The following LIX1 variants were observed in gnomAD, a reference collection of about 807,000 sequenced individuals.
LIX1 encodes the protein protein limb expression 1 homolog.
Under a neutral mutation model 33.4 loss-of-function variants are expected in LIX1, and 24 were observed. The ratio of observed to expected loss-of-function variants is 0.72; its 90% CI spans 0.52 to 1.01. The LOEUF (loss-of-function observed/expected upper bound fraction) is 1.01, where lower values mean the gene tolerates loss of function less well. Among genes scored for constraint, LIX1 ranks in the 50% least tolerant of loss-of-function variants. The pLI is 0.00. For missense variants in LIX1, 311 were observed against 339.2 expected (o/e 0.92, Z 0.65); for synonymous variants, 124 against 124.0 (o/e 1.00, Z 0.00).
intron 2 of LIX1, among the ~76,000 whole-genome samples, chr5:97,112,908 C>T (rs182205672): frequency 3.0e-4 from 46 of 152,186 alleles, no homozygotes; most frequent in Admixed American, 1.0e-3. Flanking sequence ...CCGTGGCATT[C>T]ACACCCTTGT....
intron 1 of LIX1, among the ~76,000 whole-genome samples, chr5:97,136,004 T>C (rs988498650): frequency 6.6e-6 from 1 of 152,176 alleles, no homozygotes; most frequent in Non-Finnish European, 1.5e-5. Context: ...AAACAGTCAT[T>C]ATAAGAATGC....
chr5:97,142,225 G>T (rs1049509005), intron 1 of LIX1, among the ~76,000 whole-genome samples: 13 of 152,142 alleles, frequency 8.5e-5, no homozygotes, highest in African/African-American at 3.1e-4. Context: ...ATCAGAAAAA[G>T]TTCATTAAGT....
intron 1 of LIX1, among the ~76,000 whole-genome samples, chr5:97,135,000 A>G (rs2112798369): frequency 6.6e-6 from 1 of 152,300 alleles, no homozygotes; most frequent in Admixed American, 6.5e-5. Context: ...CCAACTGGAA[A>G]GCTGGTTGTG....
chr5:97,140,466 G>A (rs1748262955), intron 1 of LIX1, among the ~76,000 whole-genome samples: 1 of 152,210 alleles, frequency 6.6e-6, no homozygotes, highest in African/African-American at 2.4e-5. Context: ...CTCAGAACCT[G>A]CCATTCAAGG....
intron 2 of LIX1, among the ~76,000 whole-genome samples, chr5:97,117,921 GAA>G (rs3041175): frequency 0.49 from 69,233 of 140,160 alleles, 16,724 homozygotes; most frequent in African/African-American, 0.63. Flanking sequence ...GTTACAAATG[GAA>G]AAAAAAAAAA....
chr5:97,101,099 G>A (rs1746670335), intron 4 of LIX1, among the ~76,000 whole-genome samples: 1 of 152,012 alleles, frequency 6.6e-6, no homozygotes, highest in African/African-American at 2.4e-5. Context: ...GGTGAGGCAG[G>A]TGAGGCAGGT....
chr5:97,100,922 AT>A (rs1036571397), intron 4 of LIX1, among the ~76,000 whole-genome samples: 6 of 150,186 alleles, frequency 4.0e-5, no homozygotes, highest in Non-Finnish European at 7.4e-5. Flanking sequence ...ATATATATAA[AT>A]TTTTTTTTAA....
At chr5:97,130,013 A>G (rs1321111668) in intron 1 of LIX1, among the ~76,000 whole-genome samples, 1 of 152,252 alleles carries the variant, frequency 6.6e-6, no homozygotes, top group Non-Finnish European at 1.5e-5. Flanking sequence ...TGGAATTGTC[A>G]TACGGAATGA....
At chr5:97,097,083 T>C (rs971247534) in intron 4 of LIX1, among the ~76,000 whole-genome samples, 196 bp from the exon 5 acceptor site, 3 of 152,232 alleles carry the variant, frequency 2.0e-5, no homozygotes, top group Non-Finnish European at 4.4e-5. Flanking sequence ...GCTATATCCA[T>C]AGCATTACAT....
chr5:97,104,084 TG>T (rs1174093674), intron 4 of LIX1, among the ~76,000 whole-genome samples: 5 of 152,106 alleles, frequency 3.3e-5, no homozygotes, highest in African/African-American at 1.2e-4. Context: ...ATAATGTGCA[TG>T]GGGACATTTC....
chr5:97,103,755 G>A (rs1479701593), intron 4 of LIX1, among the ~76,000 whole-genome samples: 1 of 152,156 alleles, frequency 6.6e-6, no homozygotes, highest in Non-Finnish European at 1.5e-5. Flanking sequence ...CACGAGGTCA[G>A]GAGATGGAGA....
At chr5:97,098,010 A>G (rs1190633061) in intron 4 of LIX1, among the ~76,000 whole-genome samples, 1 of 152,206 alleles carries the variant, frequency 6.6e-6, no homozygotes, top group African/African-American at 2.4e-5. Flanking sequence ...CCTAAAGCCA[A>G]CTTCCTCTGC....
At chr5:97,107,566 C>T in intron 2 of LIX1, 66 bp from the exon 3 acceptor site, 1 of 1,508,158 alleles carries the variant, frequency 6.6e-7, no homozygotes, top group Non-Finnish European at 9.2e-7. Context: ...ACTCCTGCAT[C>T]AATGGGTCTC....
chr5:97,139,873 C>T (rs765365853), intron 1 of LIX1, among the ~76,000 whole-genome samples: 1 of 152,234 alleles, frequency 6.6e-6, no homozygotes, highest in Middle Eastern at 3.4e-3. Flanking sequence ...GCCAGATGAA[C>T]GCCTTGTATA....
In LIX1 at chr5:97,091,930, G is replaced by C. The variant is rs556929486; in HGVS notation, c.*2818C>G. The C allele has an allele frequency of 2.0e-5, 3 of 152,464 alleles. No homozygotes were observed. In the East Asian group the frequency reaches 5.6e-4, roughly 29 times the overall value. The allele number at this position is 152,464 out of a possible 1,614,324, so 9.4% of individuals were successfully genotyped here. ...TTTCTGACCCATTTATCCAAGTTTA[G>C]TGACAGTTTGCTCTAAACTGCTTTT... On this transcript the variant is annotated 3_prime_UTR_variant, in exon 6 of 6. Coordinates refer to ENST00000274382, the MANE Select transcript of LIX1 (RefSeq NM_153234.5).
At chr5:97,141,147 C>T (rs180823448) in intron 1 of LIX1, among the ~76,000 whole-genome samples, 1 of 152,044 alleles carries the variant, frequency 6.6e-6, no homozygotes, top group African/African-American at 2.4e-5. Context: ...TAACTGCTTC[C>T]CCTATTTAAA....
rs998797507 is a variant in LIX1 at position 97,093,445 on chromosome 5, A to G, written c.*1303T>C. The G allele has an allele frequency of 6.6e-6, 1 of 152,260 alleles. No individual in the cohort carries two copies. The highest frequency in any genetic ancestry group is 1.5e-5 in the Non-Finnish European group (1 of 68,012). The allele number at this position is 152,260 out of a possible 1,614,324, so 9.4% of individuals were successfully genotyped here. A position where few individuals can be genotyped will look rare whatever the true frequency, so the allele number is the denominator to read the frequency against. ...AAAGACCTATGAGCATTTAAAATTG[A>G]CATTGCTGACATTCTTAAATTTGAG... On this transcript the variant is annotated 3_prime_UTR_variant, in exon 6 of 6. Transcript: ENST00000274382.
intron 4 of LIX1, among the ~76,000 whole-genome samples, chr5:97,102,837 G>A (rs1274246965): frequency 6.6e-6 from 1 of 151,088 alleles, no homozygotes; most frequent in Non-Finnish European, 1.5e-5. Flanking sequence ...TCACATACAA[G>A]CTACTGTGTA....
intron 3 of LIX1, among the ~76,000 whole-genome samples, chr5:97,106,407 G>T (rs1747030071): frequency 6.6e-6 from 1 of 152,184 alleles, no homozygotes; most frequent in African/African-American, 2.4e-5. Flanking sequence ...GATTTATGAG[G>T]GGAAAAGGGT....
Sources: allele counts gnomAD v4.1 joint callset (sites outside exome capture counted in the v4.1 genomes callset), GRCh38; gene constraint gnomAD v4.1.1; transcripts MANE v1.5; gene names NCBI Gene and HGNC (gene_info 2026-07-23, HGNC 2026-07-21).